TMC8: variants seen among roughly 807,000 people sequenced by gnomAD.
TMC8 encodes transmembrane channel like 8.
A neutral mutation model predicts 76.0 loss-of-function variants in TMC8; 71 were observed. The ratio of observed to expected loss-of-function variants is 0.93; its 90% CI spans 0.77 to 1.14. The LOEUF is 1.14. Ranked by LOEUF, TMC8 falls within the 50% of genes most tolerant of loss-of-function variation. TMC8 has a pLI of 0.00. For missense variants in TMC8, 924 were observed against 947.9 expected, an observed-to-expected ratio of 0.97 and a Z score of 0.33; for synonymous variants, 433 against 433.8, an observed-to-expected ratio of 1.00 and a Z score of 0.02.
At chr17:78,132,226 C>T (rs917822471) in intron 3 of TMC8, 133 bp from the exon 4 acceptor site, 5 of 1,375,968 alleles carry the variant, frequency 3.6e-6, no homozygotes, top group East Asian at 2.5e-5. Context: ...TGACTGTCAG[C>T]GGTACCTCCG....
chr17:78,132,601 G>GC (rs1218308513), intron 4 of TMC8, 93 bp downstream of exon 4: 9 of 1,541,266 alleles, frequency 5.8e-6, no homozygotes, highest in Non-Finnish European at 7.9e-6. Context: ...ACAACGCTGG[G>GC]CGTGGTCCTG....
chr17:78,132,144 T>C (rs1004908382), intron 3 of TMC8, 114 bp downstream of exon 3: 1 of 1,485,020 alleles, frequency 6.7e-7, no homozygotes, highest in African/African-American at 1.4e-5. Flanking sequence ...CCCCGACCAA[T>C]CGGCCCCTCC....
chr17:78,141,321 A>G lies in TMC8; in HGVS notation c.*209A>G, dbSNP rs529362335. ...TTAATCTCATCCCTTTAAAATGTCT[A>G]TTTTTTATTGTGTTTTTTATAATAT... On this transcript the variant is annotated 3_prime_UTR_variant, in exon 16 of 16. Transcript: ENST00000318430. The G allele has an allele frequency of 1.0e-5, 4 of 396,998 alleles. No individual in the cohort carries two copies. Among genetic ancestry groups the G allele is most frequent in the East Asian group, 7.3e-5 (2 of 27,504 alleles). 24.6% of individuals were successfully genotyped at this position (396,998 alleles called of 1,614,324 possible).
chr17:78,134,492 C>G lies in TMC8; in HGVS notation c.915C>G (p.Leu305=), dbSNP rs2075165695. The change falls in exon 8 of 16, where the codon CTC becomes CTG. Residue 305 remains leucine, a synonymous_variant. Transcript: ENST00000318430. Reference sequence around the variant, plus strand: ...TCTCCTACCTGCGGGTCAACGTACTCAACGGGCTCCTGGTGGTTGGGGCCA... The same window carrying G: ...TCTCCTACCTGCGGGTCAACGTACTGAACGGGCTCCTGGTGGTTGGGGCCA... The part of the protein sequence containing the change: ...RLLSYLRVNV[L]NGLLVVGAIS... 4 of 1,614,074 alleles carry G rather than the reference C, an allele frequency of 2.5e-6. No homozygotes were observed. The highest frequency in any genetic ancestry group is 3.4e-6 in the Non-Finnish European group (4 of 1,180,034).
In TMC8 at chr17:78,132,451, G is replaced by A. The variant is rs144981818; in HGVS notation, c.391G>A (p.Val131Met). The change falls in exon 4 of 16, where the codon GTG becomes ATG. Residue 131 changes from valine (V) to methionine (M), a missense_variant. Physicochemically the swap from Val to Met is conservative, Grantham distance 21. Coordinates refer to ENST00000318430, the MANE Select transcript of TMC8 (RefSeq NM_152468.5). ...GAGCCTGCTGCTCACCGCAAGCTTC[G>A]TGCTGCTGCCCCTGGTCTGGCTCCG... is the stretch of plus-strand genomic sequence containing the variant. ...LLSLLLTASF[V>M]LLPLVWLRPP... is the part of the protein sequence containing the mutation. The A allele has an allele frequency of 1.9e-6, 3 of 1,612,486 alleles. No homozygotes were observed. Among genetic ancestry groups the A allele is most frequent in the Admixed American group, 3.3e-5 (2 of 59,926 alleles).
intron 15 of TMC8, among the ~76,000 whole-genome samples, chr17:78,139,661 G>A (rs2075324041): frequency 6.6e-6 from 1 of 151,276 alleles, no homozygotes; most frequent in Admixed American, 6.6e-5. Flanking sequence ...AGGCCGAGGT[G>A]GGTGGATCAC....
chr17:78,132,302 A>G, intron 3 of TMC8, 57 bp from the exon 4 acceptor site: 3 of 1,600,392 alleles, frequency 1.9e-6, no homozygotes, highest in Admixed American at 3.4e-5. Context: ...TTGGACTCTC[A>G]GCGCGGCCCC....
Position 78,137,763 on chromosome 17 carries a change from T to C in TMC8, c.1298T>C (p.Phe433Ser). 1 of 1,613,652 alleles carries C rather than the reference T, an allele frequency of 6.2e-7. No individual in the cohort carries two copies. The highest frequency in any genetic ancestry group is 8.5e-7 in the Non-Finnish European group (1 of 1,180,022). The change falls in exon 11 of 16, where the codon TTC becomes TCC. Residue 433 changes from phenylalanine to serine, a missense_variant. By Grantham distance (155) the Phe-to-Ser change is radical. Transcript: ENST00000318430. ...VGEELYKLSIFNFLLTVAFAF... is the reference protein window; with the variant it reads ...VGEELYKLSISNFLLTVAFAF... The stretch of plus-strand genomic sequence containing the variant: ...GAGGAGCTGTACAAGCTGAGTATCT[T>C]CAACTTCCTCCTCACCGTGGCCTTC...
At chr17:78,134,365 G>T (rs1025785455) in intron 7 of TMC8, 29 bp from the exon 8 acceptor site, 2 of 1,604,900 alleles carry the variant, frequency 1.2e-6, no homozygotes, top group Non-Finnish European at 1.7e-6. Context: ...CCCGCCTGCA[G>T]CTGCCTCTGT....
intron 14 of TMC8, 170 bp from the exon 15 acceptor site, chr17:78,138,992 G>T (rs1220954924): frequency 6.4e-7 from 1 of 1,551,334 alleles, no homozygotes. Context: ...GGGAGGGGAT[G>T]AGGGGCTCTG....
intron 7 of TMC8, 132 bp downstream of exon 7, chr17:78,134,132 A>G (rs1310988668): frequency 7.4e-7 from 1 of 1,360,086 alleles, no homozygotes; most frequent in Non-Finnish European, 1.0e-6. Flanking sequence ...TGTGGGAGGG[A>G]GCCTGTGGGA....
intron 15 of TMC8, among the ~76,000 whole-genome samples, chr17:78,140,351 T>C (rs998796583): frequency 3.3e-5 from 5 of 152,008 alleles, no homozygotes; most frequent in Non-Finnish European, 7.4e-5. Context: ...ATTACGACTT[T>C]AGGCTTGGGG....
Position 78,133,509 on chromosome 17 carries a change from G to C in TMC8, c.635G>C (p.Cys212Ser), listed in dbSNP as rs749985765. The C allele has an allele frequency of 2.5e-6, 4 of 1,613,300 alleles. No individual in the cohort carries two copies. The East Asian group carries it at 6.7e-5, about 27-fold the overall frequency. ...RLAYLLSPLA[C>S]LLLCFCGTLR... is the part of the protein sequence containing the mutation. ...GCCTACCTCCTCAGCCCGCTGGCCT[G>C]CCTGCTCCTCTGCTTCTGTGGGACT... The change falls in exon 6 of 16, where the codon TGC becomes TCC. Residue 212 changes from cysteine (C) to serine (S), a missense_variant. Transcript: ENST00000318430.
At chr17:78,133,732 C>A in intron 6 of TMC8, 121 bp from the exon 7 acceptor site, 1 of 1,550,088 alleles carries the variant, frequency 6.5e-7, no homozygotes. Flanking sequence ...CCCGACTCCT[C>A]ACTCACCAGG....
chr17:78,140,531 G>T (rs1023652071), intron 15 of TMC8, among the ~76,000 whole-genome samples: 4 of 151,420 alleles, frequency 2.6e-5, no homozygotes, highest in Non-Finnish European at 5.9e-5. Context: ...CTCAGGGTGC[G>T]TTGGGGGCGG....
intron 9 of TMC8, 136 bp downstream of exon 9, chr17:78,135,145 G>A: frequency 8.7e-7 from 1 of 1,151,010 alleles, no homozygotes; most frequent in Non-Finnish European, 1.3e-6. Flanking sequence ...AGGGAAGGCA[G>A]GTACACACCT....
chr17:78,140,712 T>A (rs1030825197), intron 15 of TMC8, 122 bp from the exon 16 acceptor site: 18 of 1,344,882 alleles, frequency 1.3e-5, no homozygotes, highest in Non-Finnish European at 1.9e-5. Context: ...GGGCGGGGCG[T>A]GGCCTCTGGC....
intron 12 of TMC8, 48 bp downstream of exon 12, chr17:78,138,236 T>G: frequency 6.2e-7 from 1 of 1,613,188 alleles, no homozygotes; most frequent in Non-Finnish European, 8.5e-7. Flanking sequence ...TCTGGGTGGA[T>G]GCCTTGAGCT....
At chr17:78,133,331 C>T in intron 5 of TMC8, 75 bp from the exon 6 acceptor site, 3 of 1,610,008 alleles carry the variant, frequency 1.9e-6, no homozygotes, top group Non-Finnish European at 8.5e-7. Flanking sequence ...CGGGGGCTAA[C>T]AAGATCATAT....
Sources: gnomAD v4.1 joint callset for allele counts (sites outside exome capture counted in the v4.1 genomes callset) on GRCh38, gnomAD v4.1.1 for gene constraint, MANE v1.5 for transcripts, NCBI Gene and HGNC (gene_info 2026-07-23, HGNC 2026-07-21) for gene names.